CCDC73: variants seen among roughly 807,000 people sequenced by gnomAD.
CCDC73 encodes the protein coiled-coil domain containing 73.
CCDC73 carries 95 observed loss-of-function variants against 116.5 expected under a neutral mutation model. That is an observed-to-expected ratio of 0.82 (90% confidence interval 0.69 to 0.97). CCDC73 has a LOEUF of 0.97. CCDC73 is among the 50% of genes least tolerant of loss of function. CCDC73 has a pLI of 0.00. For missense variants in CCDC73, 1,066 were observed against 1,206.8 expected (o/e 0.88, Z 1.73); for synonymous variants, 398 against 401.3 (o/e 0.99, Z 0.10).
chr11:32,763,100 A>C (rs987265277), intron 1 of CCDC73, among the ~76,000 whole-genome samples: 2 of 152,236 alleles, frequency 1.3e-5, no homozygotes, highest in African/African-American at 2.4e-5. Flanking sequence ...AGCAGCCAGG[A>C]AACCCAAACT....
In CCDC73 at chr11:32,721,791, G is replaced by T. The variant is rs551480037; in HGVS notation, c.136-3644C>A. Among the ~76,000 whole-genome samples the T allele has an allele frequency of 6.6e-3, 1,009 of 152,016 alleles. 11 individuals carry two copies. The highest frequency in any genetic ancestry group is 0.023 in the African/African-American group (946 of 41,468). ...TTTTTGTATTTTTAGTAGAGACGGG[G>T]TTTCACTGTGTTAGCCAGGATGGTC... On this transcript the variant is annotated intron_variant, in intron 2 of 17. Transcript: ENST00000335185.
rs1168339225 is a variant in CCDC73 at position 32,663,093 on chromosome 11, T to A, written c.646-8121A>T. On this transcript the variant is annotated intron_variant, in intron 9 of 17. Transcript: ENST00000335185. ...CCATGCTGTTTTGGTTACTGTAGCCTTGTAGTATAGTTTGAAGTCAGGTAG... is the reference window on the plus strand; with the variant it reads ...CCATGCTGTTTTGGTTACTGTAGCCATGTAGTATAGTTTGAAGTCAGGTAG... 6.6e-5 allele frequency among the ~76,000 whole-genome samples: 10 copies of A among 152,330 alleles called. No homozygotes were observed. The East Asian group carries it at 1.4e-3, about 21-fold the overall frequency.
Position 32,695,682 on chromosome 11 carries a change from G to A in CCDC73, c.390+3569C>T, listed in dbSNP as rs150847420. Among the ~76,000 whole-genome samples the A allele has an allele frequency of 8.8e-4, 125 of 141,442 alleles. 1 individual carries two copies. The highest frequency in any genetic ancestry group is 3.0e-3 in the African/African-American group (123 of 40,554). 92.8% of individuals were successfully genotyped at this position (141,442 alleles called of 152,430 possible). A position where few individuals can be genotyped will look rare whatever the true frequency, so the allele number is the denominator to read the frequency against. On this transcript the variant is annotated intron_variant, in intron 6 of 17. Transcript: ENST00000335185. ...TTGCTCTTTGGCAATGTCCCTTACC[G>A]TGATTATTAACTATAAGTGTGTGGC...
intron 14 of CCDC73, among the ~76,000 whole-genome samples, chr11:32,620,463 TAGCC>T (rs1855513136): frequency 6.6e-6 from 1 of 151,706 alleles, no homozygotes; most frequent in African/African-American, 2.4e-5. Context: ...CAAAAAAAAT[TAGCC>T]AGGCGTGGTG....
rs1850211229 is a variant in CCDC73 at position 32,743,865 on chromosome 11, TGACTTC to T, written c.135+16238_135+16243del. Among the ~76,000 whole-genome samples the T allele has an allele frequency of 2.0e-5, 3 of 152,332 alleles. No individual in the cohort carries two copies. In the South Asian group the frequency reaches 6.2e-4, roughly 32 times the overall value. On this transcript the variant is annotated intron_variant, in intron 2 of 17. Coordinates refer to ENST00000335185, the MANE Select transcript of CCDC73 (RefSeq NM_001008391.4). ...ATGTCATCTGCAAACAGAGACAATT[TGACTTC>T]CTCTCTTCCTATTTGAATACCCTTT... is the stretch of plus-strand genomic sequence containing the variant.
chr11:32,811,360 TAAAC>T, the CCDC73 span, among the ~76,000 whole-genome samples: 3 of 152,186 alleles, frequency 2.0e-5, no homozygotes, highest in African/African-American at 7.2e-5. Flanking sequence ...TCAAACATAA[TAAAC>T]ATACATGTTC....
chr11:32,664,737 T>C (rs185774780), intron 9 of CCDC73, among the ~76,000 whole-genome samples: 1 of 152,338 alleles, frequency 6.6e-6, no homozygotes, highest in Admixed American at 6.5e-5. Context: ...TGTTTGCTCT[T>C]GCTTGTGATG....
In CCDC73 at chr11:32,755,625, A is replaced by G. The variant is rs1224866357; in HGVS notation, c.135+4484T>C. Among the ~76,000 whole-genome samples, 51 of 112,954 alleles carry G rather than the reference A, an allele frequency of 4.5e-4. 8 individuals are homozygous for G. Among genetic ancestry groups the G allele is most frequent in the African/African-American group, 1.7e-3 (50 of 29,680 alleles). 74.1% of individuals were successfully genotyped at this position (112,954 alleles called of 152,430 possible). ...TCCATATATATGTGTGTGTATATATATATCTCCATATATATGTGTATATAT... is the reference window on the plus strand; with the variant it reads ...TCCATATATATGTGTGTGTATATATGTATCTCCATATATATGTGTATATAT... On this transcript the variant is annotated intron_variant, in intron 2 of 17. Transcript: ENST00000335185.
intron 9 of CCDC73, among the ~76,000 whole-genome samples, chr11:32,657,025 A>G (rs1855880189): frequency 6.6e-6 from 1 of 152,218 alleles, no homozygotes; most frequent in African/African-American, 2.4e-5. Flanking sequence ...GAGAGTTATT[A>G]GAGGATAGAA....
intron 2 of CCDC73, among the ~76,000 whole-genome samples, chr11:32,757,830 C>T (rs1404746173): frequency 3.3e-5 from 5 of 152,114 alleles, no homozygotes; most frequent in African/African-American, 4.8e-5. Flanking sequence ...TGGGCCCATT[C>T]GAATAATCCA....
At chr11:32,650,271 G>C (rs1855814925) in intron 12 of CCDC73, among the ~76,000 whole-genome samples, 1 of 152,168 alleles carries the variant, frequency 6.6e-6, no homozygotes, top group South Asian at 2.1e-4. Context: ...AATAGTGCTG[G>C]ATTAGAATCA....
intron 16 of CCDC73, among the ~76,000 whole-genome samples, chr11:32,612,351 A>C (rs1855429475): frequency 6.6e-6 from 1 of 151,814 alleles, no homozygotes; most frequent in African/African-American, 2.4e-5. Context: ...TTAAAAAACC[A>C]TTTTCCTCAT....
At chr11:32,698,047 C>A (rs1447656839) in intron 6 of CCDC73, among the ~76,000 whole-genome samples, 1 of 108,720 alleles carries the variant, frequency 9.2e-6, no homozygotes. Flanking sequence ...TTTTTTGAGA[C>A]GGAGTCTCAC....
chr11:32,721,726 TGGGA>T (rs35962625), intron 2 of CCDC73, among the ~76,000 whole-genome samples: 112,848 of 150,576 alleles, frequency 0.75, 42,409 homozygotes, highest in East Asian at 0.93. Context: ...CCCGAGTAGC[TGGGA>T]GGGACTACAG....
At chr11:32,664,755 G>A (rs549896610) in intron 9 of CCDC73, among the ~76,000 whole-genome samples, 63 of 151,876 alleles carry the variant, frequency 4.1e-4, no homozygotes, top group African/African-American at 1.5e-3. Context: ...ATGTTAGGGT[G>A]TCAATTTTAG....
intron 9 of CCDC73, among the ~76,000 whole-genome samples, chr11:32,668,140 A>G (rs1187939322): frequency 2.0e-5 from 3 of 152,230 alleles, no homozygotes; most frequent in Non-Finnish European, 4.4e-5. Context: ...TATTACTTCT[A>G]CTAAGCCGAA....
At chr11:32,756,445 C>A (rs1234744237) in intron 2 of CCDC73, among the ~76,000 whole-genome samples, 1 of 138,754 alleles carries the variant, frequency 7.2e-6, no homozygotes, top group Non-Finnish European at 1.5e-5. Context: ...CCATATATAT[C>A]TATATATATC....
chr11:32,704,813 C>T (rs1268180251), intron 3 of CCDC73, among the ~76,000 whole-genome samples: 2 of 152,132 alleles, frequency 1.3e-5, no homozygotes, highest in African/African-American at 4.8e-5. Context: ...AAACCCTGGA[C>T]TCAGCCAGAC....
intron 10 of CCDC73, 131 bp downstream of exon 10, chr11:32,654,712 AC>A (rs1295646286): frequency 1.9e-5 from 13 of 681,930 alleles, no homozygotes; most frequent in Admixed American, 7.3e-5. Flanking sequence ...TAATAAAAAA[AC>A]AGATTAATAA....
Sources: gnomAD v4.1 joint callset for allele counts (sites outside exome capture counted in the v4.1 genomes callset) on GRCh38, gnomAD v4.1.1 for gene constraint, MANE v1.5 for transcripts, NCBI Gene and HGNC (gene_info 2026-07-23, HGNC 2026-07-21) for gene names.